PRR14L: variants seen among roughly 807,000 people sequenced by gnomAD.
PRR14L encodes the protein protein PRR14L.
PRR14L carries 80 observed loss-of-function variants against 155.0 expected under a neutral mutation model. That is an observed-to-expected ratio of 0.52 (90% CI 0.43 to 0.62). PRR14L has a LOEUF of 0.62. Ranked by LOEUF, PRR14L falls within the 20% of genes least tolerant of loss-of-function variation. PRR14L has a pLI of 0.00. For synonymous variants in PRR14L, 883 were observed against 916.0 expected (o/e 0.96, Z 0.65); for missense variants, 2,469 against 2,548.0 (o/e 0.97, Z 0.67).
chr22:31,718,295 G>A (rs1221988301), intron 3 of PRR14L, among the ~76,000 whole-genome samples: 16 of 147,942 alleles, frequency 1.1e-4, no homozygotes, highest in East Asian at 6.1e-4. Flanking sequence ...TTGCTTTGTC[G>A]CCCAGGCTGG....
chr22:31,703,337 G>T (rs1601497482), intron 6 of PRR14L, among the ~76,000 whole-genome samples: 2 of 152,126 alleles, frequency 1.3e-5, no homozygotes, highest in East Asian at 3.9e-4. Flanking sequence ...CAAGAAAAAA[G>T]TATCTGGAAA....
At chr22:31,740,486 G>C (rs1269811033) in intron 1 of PRR14L, among the ~76,000 whole-genome samples, 1 of 152,068 alleles carries the variant, frequency 6.6e-6, no homozygotes, top group Admixed American at 6.6e-5. Flanking sequence ...CCAAAGTGCT[G>C]GGATTACAGG....
Sources: allele counts gnomAD v4.1 joint callset (sites outside exome capture counted in the v4.1 genomes callset), GRCh38; gene constraint gnomAD v4.1.1; transcripts MANE v1.5; gene names NCBI Gene and HGNC (gene_info 2026-07-23, HGNC 2026-07-21).